The following GRM7 variants were observed in gnomAD, a reference collection of about 807,000 sequenced individuals.
GRM7 encodes metabotropic glutamate receptor 7.
GRM7 carries 35 observed loss-of-function variants against 84.5 expected under a neutral mutation model. The observed-to-expected ratio is 0.41, with a 90% CI of 0.32 to 0.55. The LOEUF (loss-of-function observed/expected upper bound fraction) is 0.55. Among genes scored for constraint, GRM7 ranks in the 20% least tolerant of loss-of-function variants. The probability of loss-of-function intolerance (pLI) is 0.19; values close to 1 mark genes in which losing one functional copy is unlikely to be tolerated. For missense variants in GRM7, 1,003 were observed against 1,194.6 expected (o/e 0.84, Z 2.36); for synonymous variants, 487 against 455.1 (o/e 1.07, Z -0.89).
chr3:7,271,673 A>G (rs1361266527), intron 2 of GRM7, among the ~76,000 whole-genome samples: 1 of 152,014 alleles, frequency 6.6e-6, no homozygotes, highest in Admixed American at 6.5e-5. Context: ...TCTGCATTTT[A>G]AAGTTCAATA....
At chr3:7,120,506 G>A (rs923444068) in intron 1 of GRM7, among the ~76,000 whole-genome samples, 2 of 152,026 alleles carry the variant, frequency 1.3e-5, no homozygotes, top group Admixed American at 6.6e-5. Context: ...TTTGTATCAG[G>A]CATTTATACT....
At chr3:6,981,636 G>A (rs997910752) in intron 1 of GRM7, among the ~76,000 whole-genome samples, 6 of 152,140 alleles carry the variant, frequency 3.9e-5, no homozygotes, top group Non-Finnish European at 5.9e-5. Context: ...GATAGCCTCC[G>A]AGTCTGACTT....
chr3:7,383,804 A>T (rs1427056799), intron 4 of GRM7, among the ~76,000 whole-genome samples: 1 of 152,210 alleles, frequency 6.6e-6, no homozygotes, highest in Non-Finnish European at 1.5e-5. Flanking sequence ...CCTGGGGTAT[A>T]TGAAATCTAT....
At chr3:7,454,088 A>ACTCTCT (rs1284686500) in intron 6 of GRM7, among the ~76,000 whole-genome samples, 208 of 111,708 alleles carry the variant, frequency 1.9e-3, no homozygotes, top group African/African-American at 6.8e-3. Flanking sequence ...AGCTACACAC[A>ACTCTCT]CACTCTCTCT....
intron 1 of GRM7, among the ~76,000 whole-genome samples, chr3:7,019,718 G>A (rs1249138266): frequency 6.6e-6 from 1 of 152,136 alleles, no homozygotes; most frequent in Non-Finnish European, 1.5e-5. Flanking sequence ...AGTAACCTGT[G>A]ATGTGAAAGT....
chr3:7,029,265 T>C (rs1416450143), intron 1 of GRM7, among the ~76,000 whole-genome samples: 2 of 147,990 alleles, frequency 1.4e-5, no homozygotes, highest in African/African-American at 2.6e-5. Context: ...GATCACGCCA[T>C]TGCACTCTAG....
chr3:6,907,148 A>C (rs1696608679), intron 1 of GRM7, among the ~76,000 whole-genome samples: 1 of 152,066 alleles, frequency 6.6e-6, no homozygotes, highest in South Asian at 2.1e-4. Context: ...CAAGCGATGC[A>C]CCCACCTCAG....
At chr3:7,274,066 T>C (rs1466922566) in intron 2 of GRM7, among the ~76,000 whole-genome samples, 4 of 151,986 alleles carry the variant, frequency 2.6e-5, no homozygotes, top group Non-Finnish European at 5.9e-5. Context: ...TGCCCTAGAA[T>C]TTTCAAAATA....
intron 3 of GRM7, among the ~76,000 whole-genome samples, chr3:7,305,654 T>A (rs1369084392): frequency 6.6e-6 from 1 of 151,708 alleles, no homozygotes; most frequent in African/African-American, 2.4e-5. Context: ...TTTAGAAAAC[T>A]GTCATTTCCT....
chr3:7,679,009 A>C (rs1342674183), intron 8 of GRM7, among the ~76,000 whole-genome samples: 1 of 152,182 alleles, frequency 6.6e-6, no homozygotes, highest in Admixed American at 6.5e-5. Context: ...AAGGCCTAGC[A>C]GGAAAATGGG....
At chr3:6,892,894 G>A (rs1696022323) in intron 1 of GRM7, 1 of 152,034 alleles carries the variant, frequency 6.6e-6, no homozygotes, top group Non-Finnish European at 1.5e-5. Flanking sequence ...AACTCAAATA[G>A]AAAGATACAA....
At chr3:7,440,813 A>G (rs1274847523) in intron 5 of GRM7, among the ~76,000 whole-genome samples, 2 of 152,192 alleles carry the variant, frequency 1.3e-5, no homozygotes, top group African/African-American at 4.8e-5. Flanking sequence ...TGTTGCTGCA[A>G]AAGATATTAT....
intron 7 of GRM7, among the ~76,000 whole-genome samples, chr3:7,535,636 A>C (rs1701211703): frequency 6.6e-6 from 1 of 152,228 alleles, no homozygotes; most frequent in Non-Finnish European, 1.5e-5. Flanking sequence ...CCTTCATAGT[A>C]AGAGTCTCTG....
chr3:7,679,001 G>T (rs1700250102), intron 8 of GRM7, among the ~76,000 whole-genome samples: 1 of 152,124 alleles, frequency 6.6e-6, no homozygotes, highest in African/African-American at 2.4e-5. Flanking sequence ...TGGAACTTAA[G>T]GCCTAGCAGG....
intron 1 of GRM7, among the ~76,000 whole-genome samples, chr3:6,917,879 G>T (rs552448386): frequency 6.6e-6 from 1 of 152,134 alleles, no homozygotes; most frequent in East Asian, 1.9e-4. Context: ...AGTACAGAAA[G>T]AAGTTTTGAC....
At chr3:7,123,480 G>A (rs1181388742) in intron 1 of GRM7, among the ~76,000 whole-genome samples, 1 of 152,160 alleles carries the variant, frequency 6.6e-6, no homozygotes, top group African/African-American at 2.4e-5. Flanking sequence ...TTAGATGGGT[G>A]TGGTGGCTCG....
chr3:7,718,669 C>T (rs767021758), intron 9 of GRM7, among the ~76,000 whole-genome samples: 2 of 152,112 alleles, frequency 1.3e-5, no homozygotes, highest in Non-Finnish European at 2.9e-5. Context: ...ACCAGGCCTA[C>T]CTGGGGAGGA....
chr3:7,671,662 T>C (rs1699924411), intron 8 of GRM7, among the ~76,000 whole-genome samples: 1 of 151,200 alleles, frequency 6.6e-6, no homozygotes, highest in African/African-American at 2.4e-5. Context: ...CTATTTGGTG[T>C]GTGAGTGTAT....
Position 6,861,446 on chromosome 3 carries a change from G to T in GRM7, c.58G>T (p.Val20Leu). ...GACTTTGATGAAGTTCCCCTGCTGCGTGCTGGAGGTGCTCCTGTGCGCGCT... is the reference window on the plus strand; with the variant it reads ...GACTTTGATGAAGTTCCCCTGCTGCTTGCTGGAGGTGCTCCTGTGCGCGCT... ...VLTLMKFPCC[V>L]LEVLLCALAA... The change falls in exon 1 of 10, where the codon GTG (valine) becomes TTG (leucine). Residue 20 changes from valine to leucine, a missense_variant. This residue lies in a region of GRM7 where 93 missense variants were observed against 68.6 expected (regional missense o/e 1.36). Coordinates refer to ENST00000357716, the MANE Select transcript of GRM7 (RefSeq NM_000844.4). The surrounding 1 kb of genome is among the most constrained non-coding windows in gnomAD (Gnocchi z 6.4). 6.2e-7 allele frequency: 1 copy of T among 1,602,302 alleles called. No individual in the cohort carries two copies. Among genetic ancestry groups the T allele is most frequent in the Non-Finnish European group, 8.5e-7 (1 of 1,175,680 alleles).
Sources: gnomAD v4.1 joint callset for allele counts (sites outside exome capture counted in the v4.1 genomes callset) on GRCh38, gnomAD v4.1.1 for gene constraint, gnomAD v4.1.1 regional missense constraint, Gnocchi (gnomAD v3.1) non-coding constraint, MANE v1.5 for transcripts, NCBI Gene and HGNC (gene_info 2026-07-23, HGNC 2026-07-21) for gene names.